MYO5A: variants seen among roughly 807,000 people sequenced by gnomAD.
MYO5A encodes myosin VA, also known as unconventional myosin-Va.
MYO5A carries 98 observed loss-of-function variants against 249.7 expected under a neutral mutation model. The ratio of observed to expected loss-of-function variants is 0.39; its 90% confidence interval spans 0.33 to 0.46. The LOEUF (loss-of-function observed/expected upper bound fraction) is 0.46. Ranked by LOEUF, MYO5A falls within the 20% of genes least tolerant of loss-of-function variation. The pLI is 0.98. For missense variants in MYO5A, 1,696 were observed against 2,308.8 expected (o/e 0.73, Z 5.44); for synonymous variants, 778 against 810.6 (o/e 0.96, Z 0.68).
At chr15:52,346,199 G>A (rs2039619314) in intron 30 of MYO5A, among the ~76,000 whole-genome samples, 162 bp downstream of exon 30, 1 of 152,124 alleles carries the variant, frequency 6.6e-6, no homozygotes, top group Non-Finnish European at 1.5e-5. Context: ...TTATAATGAA[G>A]ATCTTAACTA....
intron 1 of MYO5A, among the ~76,000 whole-genome samples, chr15:52,524,301 C>T (rs1370590941): frequency 6.6e-6 from 1 of 152,152 alleles, no homozygotes; most frequent in Non-Finnish European, 1.5e-5. Flanking sequence ...TGTCTGTAAT[C>T]TCAACACTTT....
intron 25 of MYO5A, among the ~76,000 whole-genome samples, chr15:52,354,665 C>A (rs1004523942): frequency 6.6e-6 from 1 of 152,082 alleles, no homozygotes; most frequent in African/African-American, 2.4e-5. Context: ...ACCAGCCTGA[C>A]CAACACGGTG....
At chr15:52,512,458 A>C (rs535798314) in intron 1 of MYO5A, among the ~76,000 whole-genome samples, 1 of 152,246 alleles carries the variant, frequency 6.6e-6, no homozygotes, top group African/African-American at 2.4e-5. Flanking sequence ...GGCATGGGAA[A>C]ACCTTCACAA....
intron 4 of MYO5A, among the ~76,000 whole-genome samples, chr15:52,422,738 A>C (rs2075306833): frequency 6.6e-6 from 1 of 152,022 alleles, no homozygotes; most frequent in African/African-American, 2.4e-5. Context: ...GTTTTTGTAG[A>C]TAGGGTCTTG....
rs902978267 is a variant in MYO5A, at chr15:52,476,338, CTTTATCAAATTTG to C, written c.28-43066_28-43054del. 2.2e-3 allele frequency among the ~76,000 whole-genome samples: 338 copies of C among 152,180 alleles called. 5 individuals are homozygous for C. The highest frequency in any genetic ancestry group is 4.1e-4 in the Non-Finnish European group (28 of 68,006). On this transcript the variant is annotated intron_variant, in intron 1 of 41. Coordinates refer to ENST00000399233, the MANE Select transcript of MYO5A (RefSeq NM_001382347.1). ...TACAGCACACTGATGGGTCTTGACT[CTTTATCAAATTTG>C]CCAGTCTGTGTCTTTTAATTGGAGC... is the stretch of plus-strand genomic sequence containing the variant.
At chr15:52,499,320 T>G (rs2077105508) in intron 1 of MYO5A, among the ~76,000 whole-genome samples, 1 of 152,206 alleles carries the variant, frequency 6.6e-6, no homozygotes, top group Non-Finnish European at 1.5e-5. Flanking sequence ...TTATTATTAT[T>G]TTTAATTGTG....
chr15:52,432,315 T>C (rs1376977135), intron 2 of MYO5A, among the ~76,000 whole-genome samples: 1 of 152,170 alleles, frequency 6.6e-6, no homozygotes, highest in African/African-American at 2.4e-5. Flanking sequence ...GATATATGAG[T>C]GGCCTCAAAG....
At chr15:52,330,633 T>C in intron 34 of MYO5A, 134 bp from the exon 35 acceptor site, 1 of 1,026,814 alleles carries the variant, frequency 9.7e-7, no homozygotes, top group Non-Finnish European at 1.4e-6. Flanking sequence ...TTGCCTTCTC[T>C]TAAAATAATT....
chr15:52,505,581 C>T (rs2077251518), intron 1 of MYO5A: 2 of 1,546,854 alleles, frequency 1.3e-6, no homozygotes, highest in African/African-American at 1.4e-5. Context: ...CAAAGAAAGC[C>T]AAAAAACCTG....
chr15:52,503,809 C>T (rs1306887978), intron 1 of MYO5A, among the ~76,000 whole-genome samples: 1 of 152,170 alleles, frequency 6.6e-6, no homozygotes, highest in Non-Finnish European at 1.5e-5. Flanking sequence ...TATTTTCTCA[C>T]TTCTAAGAGG....
At chr15:52,518,520 T>C (rs1484845840) in intron 1 of MYO5A, among the ~76,000 whole-genome samples, 2 of 152,170 alleles carry the variant, frequency 1.3e-5, no homozygotes, top group Admixed American at 6.5e-5. Context: ...ACAGACAGCA[T>C]CTCCAGAAAA....
intron 1 of MYO5A, among the ~76,000 whole-genome samples, chr15:52,492,343 C>T (rs751682121): frequency 6.6e-6 from 1 of 152,172 alleles, no homozygotes; most frequent in African/African-American, 2.4e-5. Context: ...ATACAGGTTT[C>T]GAAGAGCCCT....
intron 36 of MYO5A, among the ~76,000 whole-genome samples, chr15:52,326,104 T>C (rs1009288731): frequency 1.3e-5 from 2 of 152,204 alleles, no homozygotes; most frequent in Non-Finnish European, 2.9e-5. Flanking sequence ...GTTGCCAAAG[T>C]TGAAACAGGT....
chr15:52,501,746 A>G (rs551842567), intron 1 of MYO5A, among the ~76,000 whole-genome samples: 2 of 152,150 alleles, frequency 1.3e-5, no homozygotes, highest in South Asian at 4.1e-4. Flanking sequence ...TGAATAAAGT[A>G]TTAATAGAAA....
intron 1 of MYO5A, among the ~76,000 whole-genome samples, chr15:52,503,820 T>C (rs1320104322): frequency 6.6e-6 from 1 of 152,156 alleles, no homozygotes; most frequent in Non-Finnish European, 1.5e-5. Context: ...TTCTAAGAGG[T>C]ATTATCTACC....
At chr15:52,432,521 T>C (rs928206590) in intron 2 of MYO5A, among the ~76,000 whole-genome samples, 1 of 152,224 alleles carries the variant, frequency 6.6e-6, no homozygotes, top group African/African-American at 2.4e-5. Flanking sequence ...AAAAGCCACT[T>C]CCTGGCTGTG....
At chr15:52,366,982 T>C in intron 23 of MYO5A, 49 bp downstream of exon 23, 2 of 1,393,466 alleles carry the variant, frequency 1.4e-6, no homozygotes, top group Non-Finnish European at 2.0e-6. Context: ...GTAACTTACA[T>C]AACTTTGGTG....
At chr15:52,424,913 A>G (rs576483502) in intron 4 of MYO5A, among the ~76,000 whole-genome samples, 2 of 152,330 alleles carry the variant, frequency 1.3e-5, no homozygotes, top group African/African-American at 4.8e-5. Flanking sequence ...CATTTTGCAG[A>G]TGCTGTTCAG....
rs1016333182 is a variant in MYO5A at position 52,472,662 on chromosome 15, G to A, written c.28-39377C>T. Among the ~76,000 whole-genome samples the A allele has an allele frequency of 5.3e-5, 8 of 152,070 alleles. No homozygotes were observed. The East Asian group carries it at 5.8e-4, about 11-fold the overall frequency. On this transcript the variant is annotated intron_variant, in intron 1 of 41. Transcript: ENST00000399233. ...GCAGTGTTTGGTTTTCTGTCCTTGC[G>A]ATAGTTTGCTCAGAATGATGGTTTC...
Sources: gnomAD v4.1 joint callset for allele counts (sites outside exome capture counted in the v4.1 genomes callset) on GRCh38, gnomAD v4.1.1 for gene constraint, MANE v1.5 for transcripts, NCBI Gene and HGNC (gene_info 2026-07-23, HGNC 2026-07-21) for gene names.